EPAS1: variants seen among roughly 807,000 people sequenced by gnomAD.
EPAS1 encodes endothelial PAS domain-containing protein 1.
Under a neutral mutation model 87.9 loss-of-function variants are expected in EPAS1, and 23 were observed. That is an observed-to-expected ratio of 0.26 (90% confidence interval 0.19 to 0.37). EPAS1 has a LOEUF of 0.37. Among genes scored for constraint, EPAS1 ranks in the 10% least tolerant of loss-of-function variants. The pLI is 1.00. For synonymous variants in EPAS1, 508 were observed against 444.3 expected (o/e 1.14, Z -1.80); for missense variants, 1,138 against 1,120.7 (o/e 1.02, Z -0.22).
In EPAS1 at chr2:46,330,726, G is replaced by C. The variant is rs530352362; in HGVS notation, c.27-16147G>C. On this transcript the variant is annotated intron_variant, in intron 1 of 15. Coordinates refer to ENST00000263734, the MANE Select transcript of EPAS1 (RefSeq NM_001430.5). ...AAACCAGGATTCTGCTTCCGGCTGA[G>C]GGCACCTTGGGACACCTTAGGAGGG... Among the ~76,000 whole-genome samples the C allele has an allele frequency of 1.5e-4, 23 of 152,320 alleles. No homozygotes were observed. The South Asian group carries it at 4.8e-3, about 32-fold the overall frequency.
chr2:46,356,138 C>G lies in EPAS1; in HGVS notation c.218-13C>G, dbSNP rs200435589. The G allele has an allele frequency of 2.6e-5, 33 of 1,261,374 alleles. 2 individuals are homozygous for G. Among genetic ancestry groups the G allele is most frequent in the South Asian group, 4.8e-5 (4 of 84,042 alleles). The allele number at this position is 1,261,374 out of a possible 1,614,324, so 78.1% of individuals were successfully genotyped here. A position where few individuals can be genotyped will look rare whatever the true frequency, so the allele number is the denominator to read the frequency against. ...ACATTCATGCAAGCTGTCCCACCCC[C>G]CCCCCTTTCCAGTTTGCTCTGAAAA... On this transcript the variant is annotated splice_polypyrimidine_tract_variant and intron_variant, in intron 2 of 15. Coordinates refer to ENST00000263734, the MANE Select transcript of EPAS1 (RefSeq NM_001430.5).
chr2:46,306,885 G>A (rs1234042550), intron 1 of EPAS1, among the ~76,000 whole-genome samples: 1 of 152,138 alleles, frequency 6.6e-6, no homozygotes, highest in African/African-American at 2.4e-5. Flanking sequence ...AAAATTTTGG[G>A]TCAAAGCATG....
chr2:46,325,340 A>T (rs1035555235), intron 1 of EPAS1, among the ~76,000 whole-genome samples: 10 of 152,372 alleles, frequency 6.6e-5, no homozygotes, highest in Non-Finnish European at 1.3e-4. Context: ...TGGGAGCAAG[A>T]ACATACAAAA....
At chr2:46,358,445 G>A (rs1684314431) in intron 4 of EPAS1, among the ~76,000 whole-genome samples, 1 of 152,196 alleles carries the variant, frequency 6.6e-6, no homozygotes, top group African/African-American at 2.4e-5. Context: ...GCCTGAGAAA[G>A]CCTGAGAAAA....
rs1226206550 is a variant in EPAS1 at position 46,360,061 on chromosome 2, T to TA, written c.455-576dup. 6.6e-6 allele frequency among the ~76,000 whole-genome samples: 1 copy of TA among 152,200 alleles called. No homozygotes were observed. The highest frequency in any genetic ancestry group is 1.9e-4 in the East Asian group (1 of 5,190). ...ACCAGAGTTCTCTCTAGAGCCTTGATACATATGTCACTTCAGGGACAAAGC... is the reference window on the plus strand; with the variant it reads ...ACCAGAGTTCTCTCTAGAGCCTTGATAACATATGTCACTTCAGGGACAAAGC... On this transcript the variant is annotated intron_variant, in intron 4 of 15. Coordinates refer to ENST00000263734, the MANE Select transcript of EPAS1 (RefSeq NM_001430.5). This position sits in a 1 kb window ranked among gnomAD's most constrained non-coding sequence, Gnocchi z 4.5.
At chr2:46,303,772 G>A (rs1469854578) in intron 1 of EPAS1, among the ~76,000 whole-genome samples, 2 of 152,178 alleles carry the variant, frequency 1.3e-5, no homozygotes, top group Non-Finnish European at 2.9e-5. Flanking sequence ...CCTTGCTCTT[G>A]GATGTCTGAT....
chr2:46,342,951 A>T (rs905246512), intron 1 of EPAS1, among the ~76,000 whole-genome samples: 5 of 152,074 alleles, frequency 3.3e-5, no homozygotes, highest in Non-Finnish European at 7.3e-5. Context: ...CCTCGGGGAG[A>T]GTAACTATAA....
At chr2:46,312,769 T>A (rs371831047) in intron 1 of EPAS1, among the ~76,000 whole-genome samples, 2 of 152,166 alleles carry the variant, frequency 1.3e-5, no homozygotes, top group African/African-American at 4.8e-5. Context: ...TGTGAGGAAA[T>A]CTGATTATAC....
At chr2:46,361,261 C>T (rs929480748) in intron 6 of EPAS1, among the ~76,000 whole-genome samples, 171 bp downstream of exon 6, 2 of 152,148 alleles carry the variant, frequency 1.3e-5, no homozygotes, top group Non-Finnish European at 2.9e-5. Context: ...CAGAGGTTCC[C>T]GGTACTGTAT....
In EPAS1 at chr2:46,367,298, A is replaced by G. The variant is rs952931743; in HGVS notation, c.780-2529A>G. ...TAATTCCTTCAGAGAGTAGAAAGACATCTTTCCTAGAATGCCAGTAGGCTC... is the reference window on the plus strand; with the variant it reads ...TAATTCCTTCAGAGAGTAGAAAGACGTCTTTCCTAGAATGCCAGTAGGCTC... On this transcript the variant is annotated intron_variant, in intron 6 of 15. Coordinates refer to ENST00000263734, the MANE Select transcript of EPAS1 (RefSeq NM_001430.5). Among the ~76,000 whole-genome samples the G allele has an allele frequency of 1.1e-4, 17 of 152,378 alleles. 1 individual carries two copies. The East Asian group carries it at 3.3e-3, about 29-fold the overall frequency.
intron 4 of EPAS1, among the ~76,000 whole-genome samples, chr2:46,359,701 TGGAGGAA>T (rs1425189571): frequency 6.6e-6 from 1 of 152,156 alleles, no homozygotes; most frequent in Admixed American, 6.5e-5. Flanking sequence ...TGACTGTTCC[TGGAGGAA>T]GGAGTGTGAC....
At chr2:46,320,797 G>A (rs915471295) in intron 1 of EPAS1, among the ~76,000 whole-genome samples, 10 of 152,242 alleles carry the variant, frequency 6.6e-5, no homozygotes, top group African/African-American at 1.9e-4. Context: ...TAAGAGTACT[G>A]TAGAAGCTTT....
At chr2:46,369,421 C>G (rs908075396) in intron 6 of EPAS1, among the ~76,000 whole-genome samples, 1 of 152,208 alleles carries the variant, frequency 6.6e-6, no homozygotes, top group Admixed American at 6.5e-5. Flanking sequence ...CATTCTTGCT[C>G]TGTCCCTGGA....
In EPAS1 at chr2:46,360,294, C is replaced by T. The variant is rs1365576262; in HGVS notation, c.455-344C>T. On this transcript the variant is annotated intron_variant, in intron 4 of 15. Coordinates refer to ENST00000263734, the MANE Select transcript of EPAS1 (RefSeq NM_001430.5). This position sits in a 1 kb window ranked among gnomAD's most constrained non-coding sequence, Gnocchi z 4.5. ...TTTCTGCGAGAAGACCTGGGCCTGCCCCAGGAAAGGGTGGCTGAGTTAGTG... is the reference window on the plus strand; with the variant it reads ...TTTCTGCGAGAAGACCTGGGCCTGCTCCAGGAAAGGGTGGCTGAGTTAGTG... Among the ~76,000 whole-genome samples the T allele has an allele frequency of 1.3e-5, 2 of 152,204 alleles. No individual in the cohort carries two copies. Among genetic ancestry groups the T allele is most frequent in the East Asian group, 3.9e-4 (2 of 5,194 alleles).
At chr2:46,307,717 T>C (rs908394319) in intron 1 of EPAS1, among the ~76,000 whole-genome samples, 22 of 152,250 alleles carry the variant, frequency 1.4e-4, no homozygotes, top group Admixed American at 6.5e-4. Context: ...AGTGCCCCCG[T>C]GCATTTCCCT....
In EPAS1 at chr2:46,361,192, G is replaced by C. The variant is rs142826801; in HGVS notation, c.779+102G>C. ...AAGGTGTGGAACTGAACATAGACGTGGTATTGCCGGGTGCATGTTCGTGGA... is the reference window on the plus strand; with the variant it reads ...AAGGTGTGGAACTGAACATAGACGTCGTATTGCCGGGTGCATGTTCGTGGA... On this transcript the variant is annotated intron_variant, in intron 6 of 15. Transcript: ENST00000263734. 421 of 1,279,876 alleles carry C rather than the reference G, an allele frequency of 3.3e-4. 7 individuals carry two copies. The East Asian group carries it at 4.7e-3, about 14-fold the overall frequency. 79.3% of individuals were successfully genotyped at this position (1,279,876 alleles called of 1,614,324 possible). A position where few individuals can be genotyped will look rare whatever the true frequency, so the allele number is the denominator to read the frequency against.
At chr2:46,317,543 T>G (rs1683367310) in intron 1 of EPAS1, among the ~76,000 whole-genome samples, 1 of 152,174 alleles carries the variant, frequency 6.6e-6, no homozygotes, top group Admixed American at 6.5e-5. Flanking sequence ...TAAAGTAGAT[T>G]TGGCATAATT....
intron 2 of EPAS1, among the ~76,000 whole-genome samples, chr2:46,355,870 C>T (rs1053825093): frequency 6.6e-6 from 1 of 152,144 alleles, no homozygotes; most frequent in African/African-American, 2.4e-5. Context: ...AAACTTCCAC[C>T]CTGAACCACT....
At chr2:46,368,764 C>T (rs1323098027) in intron 6 of EPAS1, among the ~76,000 whole-genome samples, 5 of 152,158 alleles carry the variant, frequency 3.3e-5, no homozygotes. Context: ...GGCATCACTT[C>T]TAACTTGTGA....
Sources: gnomAD v4.1 joint callset for allele counts (sites outside exome capture counted in the v4.1 genomes callset) on GRCh38, gnomAD v4.1.1 for gene constraint, Gnocchi (gnomAD v3.1) non-coding constraint, MANE v1.5 for transcripts, NCBI Gene and HGNC (gene_info 2026-07-23, HGNC 2026-07-21) for gene names.